Variants in SPTAN1 observed in about 807,000 individuals in gnomAD.
The protein encoded by SPTAN1 is spectrin alpha, non-erythrocytic 1.
In SPTAN1, 61 loss-of-function variants were observed where a neutral mutation model predicts 331.3. The ratio of observed to expected loss-of-function variants is 0.18; its 90% confidence interval spans 0.15 to 0.23. The LOEUF is 0.23. SPTAN1 is among the 10% of genes least tolerant of loss of function. SPTAN1 has a pLI of 1.00. For synonymous variants in SPTAN1, 1,153 were observed against 1,173.9 expected, an observed-to-expected ratio of 0.98 and a Z score of 0.36; for missense variants, 2,043 against 3,147.9, an observed-to-expected ratio of 0.65 and a Z score of 8.40.
At chr9:128,564,315 A>C (rs913527842) in intron 1 of SPTAN1, among the ~76,000 whole-genome samples, 2 of 152,034 alleles carry the variant, frequency 1.3e-5, no homozygotes, top group Non-Finnish European at 2.9e-5. Flanking sequence ...GCTACTTGGG[A>C]GGCTGAGGCA....
Position 128,583,889 on chromosome 9 carries a change from G to A in SPTAN1, c.2113G>A (p.Asp705Asn). The change falls in exon 16 of 57, where the codon GAT becomes AAT. Residue 705 changes from aspartate (D) to asparagine (N), a missense_variant. Physicochemically the swap from Asp to Asn is conservative, Grantham distance 23. Transcript: ENST00000372739. ...YEVEGHLASD[D>N]YGKDLTNVQN... ...AGTAGAAGGTCACTTGGCTTCGGAT[G>A]ATTACGGCAAAGATCTTACCAATGT... 6.2e-7 allele frequency: 1 copy of A among 1,614,220 alleles called. No individual in the cohort carries two copies. The highest frequency in any genetic ancestry group is 8.5e-7 in the Non-Finnish European group (1 of 1,180,042).
intron 45 of SPTAN1, among the ~76,000 whole-genome samples, chr9:128,622,535 G>A (rs1319865594): frequency 1.3e-5 from 2 of 150,846 alleles, no homozygotes; most frequent in African/African-American, 4.9e-5. Context: ...CTGACCTCAG[G>A]TGATCCGCCC....
chr9:128,613,344 A>G (rs1856779614), intron 39 of SPTAN1, 37 bp from the exon 40 acceptor site: 1 of 1,578,682 alleles, frequency 6.3e-7, no homozygotes. Flanking sequence ...AGTATACACC[A>G]CACAGTAGCC....
chr9:128,632,773 C>T (rs773764220), intron 55 of SPTAN1, 35 bp from the exon 56 acceptor site: 2 of 1,614,064 alleles, frequency 1.2e-6, no homozygotes, highest in East Asian at 2.2e-5. Flanking sequence ...CCCACCTGCC[C>T]TCCCTGCTCA....
Position 128,629,108 on chromosome 9 carries a change from T to G in SPTAN1, c.6707+1166T>G, listed in dbSNP as rs1393828881. 1 of 398,640 alleles carries G rather than the reference T, an allele frequency of 2.5e-6. No individual in the cohort carries two copies. Among genetic ancestry groups the G allele is most frequent in the Non-Finnish European group, 4.4e-6 (1 of 226,184 alleles). The allele number at this position is 398,640 out of a possible 1,614,324, so 24.7% of individuals were successfully genotyped here. ...CCTCCCTTTGGTGTATTCATTTGGTTTCTTTTCTTTGAATAGCATAGCATA... is the reference window on the plus strand; with the variant it reads ...CCTCCCTTTGGTGTATTCATTTGGTGTCTTTTCTTTGAATAGCATAGCATA... On this transcript the variant is annotated intron_variant, in intron 51 of 56. Transcript: ENST00000372739. The surrounding 1 kb of genome is among the most constrained non-coding windows in gnomAD (Gnocchi z 4.9).
intron 24 of SPTAN1, among the ~76,000 whole-genome samples, chr9:128,597,295 C>T (rs1410544375): frequency 6.6e-6 from 1 of 152,218 alleles, no homozygotes; most frequent in Non-Finnish European, 1.5e-5. Flanking sequence ...TGAGCCACCA[C>T]ACCTGGCCTC....
chr9:128,612,576 C>G (rs1856687463), intron 39 of SPTAN1, among the ~76,000 whole-genome samples: 1 of 152,176 alleles, frequency 6.6e-6, no homozygotes, highest in Non-Finnish European at 1.5e-5. Flanking sequence ...TCTGGGAAGC[C>G]AGAGTCAGTC....
intron 44 of SPTAN1, among the ~76,000 whole-genome samples, chr9:128,620,037 C>T (rs1178444794): frequency 1.3e-5 from 2 of 152,194 alleles, no homozygotes; most frequent in Admixed American, 6.5e-5. Context: ...CTAGACCAAC[C>T]TCCTTCAGCA....
At position 128,612,162 on chromosome 9, in the gene SPTAN1, G is replaced by A. The variant is rs775224497; in HGVS notation, c.4959G>A (p.Ala1653=). Residue 1653 remains alanine, a synonymous_variant, in exon 39 of 57, where the codon GCG becomes GCA. Transcript: ENST00000372739. ...DQWQFLVQKS[A]EKSQKLKEAN... is the part of the protein sequence containing the mutation. ...GGCAGTTCTTGGTGCAAAAGTCAGC[G>A]GAAAAGAGCCAGAAACTGAAAGAAG... is the stretch of plus-strand genomic sequence containing the variant. The A allele has an allele frequency of 2.3e-5, 37 of 1,613,978 alleles. No homozygotes were observed. Among genetic ancestry groups the A allele is most frequent in the African/African-American group, 1.2e-4 (9 of 74,888 alleles).
chr9:128,585,019 T>C (rs1388440244), intron 18 of SPTAN1, among the ~76,000 whole-genome samples, 176 bp downstream of exon 18: 1 of 150,342 alleles, frequency 6.7e-6, no homozygotes, highest in Non-Finnish European at 1.5e-5. Flanking sequence ...GAATTTCTTT[T>C]TTTTTTTTTT....
chr9:128,588,185 A>T (rs1852923277), intron 20 of SPTAN1, among the ~76,000 whole-genome samples: 1 of 150,482 alleles, frequency 6.6e-6, no homozygotes, highest in Admixed American at 6.6e-5. Flanking sequence ...TTTAGTAGAG[A>T]TGGGGTTTCA....
Position 128,581,433 on chromosome 9 carries a change from A to T in SPTAN1, c.1462-349A>T, listed in dbSNP as rs942252331. Among the ~76,000 whole-genome samples, 15 of 147,082 alleles carry T rather than the reference A, an allele frequency of 1.0e-4. No individual in the cohort carries two copies. The East Asian group carries it at 3.0e-3, about 30-fold the overall frequency. The stretch of plus-strand genomic sequence containing the variant: ...GGCTGCAGCAAGCTATGATCGTACC[A>T]CCGCACTCTAGCCTGTGCAACAGAC... On this transcript the variant is annotated intron_variant, in intron 11 of 56. Coordinates refer to ENST00000372739, the MANE Select transcript of SPTAN1 (RefSeq NM_001130438.3).
At chr9:128,633,018 A>AGAGCT in intron 56 of SPTAN1, 63 bp downstream of exon 56, 1 of 1,604,024 alleles carries the variant, frequency 6.2e-7, no homozygotes, top group Non-Finnish European at 8.5e-7. Flanking sequence ...AATTTGTGGC[A>AGAGCT]GAGCTGAGTC....
Position 128,584,465 on chromosome 9 carries a change from G to A in SPTAN1, c.2377G>A (p.Val793Ile), listed in dbSNP as rs775245294. The part of the protein sequence containing the change: ...SLRLQQLFRD[V>I]EDEETWIREK... ...GCGGTTGCAGCAGCTCTTCCGGGAT[G>A]TTGAGGATGAGGAGACGTGGATTCG... The change falls in exon 17 of 57, where the codon GTT becomes ATT. Residue 793 changes from valine (V) to isoleucine (I), a missense_variant. Coordinates refer to ENST00000372739, the MANE Select transcript of SPTAN1 (RefSeq NM_001130438.3). 8 of 1,614,222 alleles carry A rather than the reference G, an allele frequency of 5.0e-6. No individual in the cohort carries two copies. The East Asian group carries it at 1.6e-4, about 31-fold the overall frequency.
Position 128,585,824 on chromosome 9 carries a change from T to G in SPTAN1, c.2637T>G (p.Ala879=). 2 of 1,614,192 alleles carry G rather than the reference T, an allele frequency of 1.2e-6. No homozygotes were observed. The highest frequency in any genetic ancestry group is 1.1e-5 in the South Asian group (1 of 91,084). ...AGTGGGAGGCACTGAAAGCCAAAGC[T>G]TCCCAGCGTCGGCAGGACCTGGAGG... The part of the protein sequence containing the change: ...NQKWEALKAK[A]SQRRQDLEDS... The change falls in exon 19 of 57, where the codon GCT becomes GCG. Residue 879 remains alanine (A), a synonymous_variant. Coordinates refer to ENST00000372739, the MANE Select transcript of SPTAN1 (RefSeq NM_001130438.3).
intron 42 of SPTAN1, 75 bp from the exon 43 acceptor site, chr9:128,617,912 C>G: frequency 3.7e-6 from 6 of 1,613,296 alleles, no homozygotes; most frequent in South Asian, 1.1e-5. Flanking sequence ...GATGTTGAGG[C>G]CTTTTCCTGG....
rs1325123342 is a variant in SPTAN1 at position 128,626,705 on chromosome 9, C to T, written c.6576+18C>T. 6.3e-7 allele frequency: 1 copy of T among 1,592,450 alleles called. No homozygotes were observed. Among genetic ancestry groups the T allele is most frequent in the Non-Finnish European group, 8.5e-7 (1 of 1,171,192 alleles). On this transcript the variant is annotated intron_variant, in intron 49 of 56. Coordinates refer to ENST00000372739, the MANE Select transcript of SPTAN1 (RefSeq NM_001130438.3). ...TCATCAAGGTACACCTCCCGCTGCC[C>T]TCAGGAGCTGCTCGGCCTCCCAGAG...
At chr9:128,576,793 C>T (rs762335564) in intron 5 of SPTAN1, 30 bp from the exon 6 acceptor site, 2 of 1,612,290 alleles carry the variant, frequency 1.2e-6, no homozygotes, top group East Asian at 2.2e-5. Context: ...AAGTTGTGTA[C>T]AAATCCAGTC....
chr9:128,576,718 C>T (rs1851345959), intron 5 of SPTAN1, 105 bp from the exon 6 acceptor site: 1 of 1,428,538 alleles, frequency 7.0e-7, no homozygotes, highest in African/African-American at 1.4e-5. Context: ...TGATTCTCTT[C>T]AGAGTGGTGA....
Sources: gnomAD v4.1 joint callset for allele counts (sites outside exome capture counted in the v4.1 genomes callset) on GRCh38, gnomAD v4.1.1 for gene constraint, Gnocchi (gnomAD v3.1) non-coding constraint, MANE v1.5 for transcripts, NCBI Gene and HGNC (gene_info 2026-07-23, HGNC 2026-07-21) for gene names.